The following ST6GAL2 variants were observed in gnomAD, a reference collection of about 807,000 sequenced individuals.
The protein encoded by ST6GAL2 is beta-galactoside alpha-2,6-sialyltransferase 2.
A neutral mutation model predicts 37.5 loss-of-function variants in ST6GAL2; 24 were observed. The ratio of observed to expected loss-of-function variants is 0.64; its 90% CI spans 0.46 to 0.90. ST6GAL2 has a LOEUF of 0.90. ST6GAL2 is among the 40% of genes least tolerant of loss of function. ST6GAL2 has a pLI of 0.00. For synonymous variants in ST6GAL2, 306 were observed against 295.1 expected, an observed-to-expected ratio of 1.04 and a Z score of -0.38; for missense variants, 715 against 712.7, an observed-to-expected ratio of 1.00 and a Z score of -0.04.
chr2:106,846,874 T>C (rs1055332283), intron 1 of ST6GAL2, among the ~76,000 whole-genome samples: 1 of 152,230 alleles, frequency 6.6e-6, no homozygotes, highest in African/African-American at 2.4e-5. Context: ...CTTTCCAGCA[T>C]CGAATTAGAT....
chr2:106,869,782 C>A (rs1406164500), intron 1 of ST6GAL2, among the ~76,000 whole-genome samples: 1 of 152,194 alleles, frequency 6.6e-6, no homozygotes, highest in Non-Finnish European at 1.5e-5. Context: ...CAAGGGGACA[C>A]CTGTTGGCTG....
chr2:106,863,462 CG>C (rs1471357062), intron 1 of ST6GAL2, among the ~76,000 whole-genome samples: 1 of 151,996 alleles, frequency 6.6e-6, no homozygotes, highest in Non-Finnish European at 1.5e-5. Flanking sequence ...ATCATTCCAA[CG>C]GGGTTCAAAA....
intron 1 of ST6GAL2, among the ~76,000 whole-genome samples, chr2:106,883,357 G>C (rs1176110622): frequency 6.6e-6 from 1 of 152,080 alleles, no homozygotes; most frequent in African/African-American, 2.4e-5. Context: ...GAGAGCTTTC[G>C]GAAAAATGGT....
At chr2:106,845,250 A>C (rs1159418231) in intron 1 of ST6GAL2, among the ~76,000 whole-genome samples, 1 of 152,200 alleles carries the variant, frequency 6.6e-6, no homozygotes, top group Non-Finnish European at 1.5e-5. Flanking sequence ...ATCCTCTTCC[A>C]GCTGTGGAGG....
chr2:106,824,198 C>T (rs1428596177), intron 5 of ST6GAL2, among the ~76,000 whole-genome samples: 2 of 152,196 alleles, frequency 1.3e-5, no homozygotes, highest in African/African-American at 2.4e-5. Context: ...AAAGGATTTA[C>T]AGTTCACATT....
At chr2:106,884,924 TATATATATATAC>T (rs1001281211) in intron 1 of ST6GAL2, among the ~76,000 whole-genome samples, 8 of 122,004 alleles carry the variant, frequency 6.6e-5, no homozygotes, top group African/African-American at 1.4e-4. Flanking sequence ...TATATATATA[TATATATATATAC>T]ATACACACAC....
At chr2:106,838,014 G>C (rs1676718907) in intron 2 of ST6GAL2, among the ~76,000 whole-genome samples, 1 of 152,156 alleles carries the variant, frequency 6.6e-6, no homozygotes, top group African/African-American at 2.4e-5. Context: ...CGTGGGGTTG[G>C]GATGGAAGGG....
chr2:106,870,209 G>A (rs975285525), intron 1 of ST6GAL2, among the ~76,000 whole-genome samples: 2 of 152,132 alleles, frequency 1.3e-5, no homozygotes, highest in Non-Finnish European at 2.9e-5. Context: ...GAATTGTGCA[G>A]AGCCCCCAGC....
intron 1 of ST6GAL2, 165 bp downstream of exon 1, chr2:106,885,928 C>G (rs1444280998): frequency 6.6e-6 from 1 of 152,450 alleles, no homozygotes; most frequent in Non-Finnish European, 1.5e-5. Flanking sequence ...GCCGTCCTCC[C>G]GTTCGCTTCT....
At chr2:106,830,310 G>A (rs1676370575) in intron 4 of ST6GAL2, 70 bp from the exon 5 acceptor site, 6 of 1,378,090 alleles carry the variant, frequency 4.4e-6, no homozygotes, top group Non-Finnish European at 4.0e-6. Context: ...GGCATGGCTG[G>A]TTGATTTGAG....
chr2:106,823,019 G>A (rs909554877), intron 5 of ST6GAL2: 3 of 152,124 alleles, frequency 2.0e-5, no homozygotes, highest in South Asian at 2.1e-4. Flanking sequence ...GAAATCAGGT[G>A]TTTTTCCAAC....
chr2:106,839,450 TGTGCC>T lies in ST6GAL2; in HGVS notation c.943+3580_943+3584del, dbSNP rs1573249722. ...TGGAATTGTCTGTTTACCACTGAAG[TGTGCC>T]GGTATGGATAGTTGAGCCTGTGACC... On this transcript the variant is annotated intron_variant, in intron 2 of 5. Transcript: ENST00000409382. Among the ~76,000 whole-genome samples the T allele has an allele frequency of 7.9e-5, 12 of 152,316 alleles. No homozygotes were observed. In the Middle Eastern group the frequency reaches 0.01, roughly 130 times the overall value.
In ST6GAL2 at chr2:106,843,704, C is replaced by G. The variant is rs974754581; in HGVS notation, c.274G>C (p.Gly92Arg). 17 of 1,613,036 alleles carry G rather than the reference C, an allele frequency of 1.1e-5. No homozygotes were observed. Among genetic ancestry groups the G allele is most frequent in the African/African-American group, 1.3e-5 (1 of 74,926 alleles). The change falls in exon 2 of 6, where the codon GGG (glycine) becomes CGG (arginine). Residue 92 changes from glycine to arginine, a missense_variant. Transcript: ENST00000409382. The part of the protein sequence containing the change: ...RAHPAGSFHA[G>R]PGDLQKWAQS... Reference sequence around the variant, plus strand: ...GCCCATTTCTGCAGGTCTCCAGGCCCCGCATGAAAGGAACCGGCTGGGTGG... The same window carrying G: ...GCCCATTTCTGCAGGTCTCCAGGCCGCGCATGAAAGGAACCGGCTGGGTGG...
chr2:106,817,838 C>T (rs1023749603), intron 5 of ST6GAL2, among the ~76,000 whole-genome samples: 4 of 152,196 alleles, frequency 2.6e-5, no homozygotes, highest in Non-Finnish European at 4.4e-5. Context: ...AGAGGGGAGC[C>T]CCCTGCCTTG....
At chr2:106,834,337 A>G (rs1676547166) in intron 2 of ST6GAL2, 191 bp from the exon 3 acceptor site, 1 of 542,158 alleles carries the variant, frequency 1.8e-6, no homozygotes, top group African/African-American at 1.9e-5. Context: ...GGAAACATCA[A>G]TATGGATATA....
chr2:106,823,872 G>A (rs1676103735), intron 5 of ST6GAL2, among the ~76,000 whole-genome samples: 1 of 152,008 alleles, frequency 6.6e-6, no homozygotes, highest in Non-Finnish European at 1.5e-5. Flanking sequence ...AGCTGTCTGG[G>A]GTCTCTTTTA....
chr2:106,846,628 C>T (rs1677154404), intron 1 of ST6GAL2, among the ~76,000 whole-genome samples: 1 of 152,204 alleles, frequency 6.6e-6, no homozygotes, highest in African/African-American at 2.4e-5. Context: ...GCAACATTCG[C>T]TTACATGTAT....
chr2:106,820,714 T>C (rs1558681221), intron 5 of ST6GAL2, among the ~76,000 whole-genome samples: 2 of 152,016 alleles, frequency 1.3e-5, no homozygotes, highest in Admixed American at 6.6e-5. Flanking sequence ...TTCTCAAGGG[T>C]AGACCATATG....
At chr2:106,885,153 G>A (rs1393711914) in intron 1 of ST6GAL2, among the ~76,000 whole-genome samples, 3 of 151,578 alleles carry the variant, frequency 2.0e-5, no homozygotes, top group African/African-American at 7.3e-5. Context: ...TGTGCTTCCA[G>A]CCCACCAAAG....
Sources: allele counts gnomAD v4.1 joint callset (sites outside exome capture counted in the v4.1 genomes callset), GRCh38; gene constraint gnomAD v4.1.1; transcripts MANE v1.5; gene names NCBI Gene and HGNC (gene_info 2026-07-23, HGNC 2026-07-21).